COL18A1: variants seen among roughly 807,000 people sequenced by gnomAD.
COL18A1 encodes the protein collagen alpha-1(XVIII) chain.
COL18A1 carries 133 observed loss-of-function variants against 168.0 expected under a neutral mutation model. The ratio of observed to expected loss-of-function variants is 0.79; its 90% CI spans 0.69 to 0.91. The LOEUF (loss-of-function observed/expected upper bound fraction) is 0.91. Among genes scored for constraint, COL18A1 ranks in the 40% least tolerant of loss-of-function variants. COL18A1 has a pLI of 0.00. For missense variants in COL18A1, 2,126 were observed against 1,925.4 expected (o/e 1.10, Z -1.95); for synonymous variants, 949 against 809.0 (o/e 1.17, Z -2.94).
chr21:45,417,858 G>A (rs2033490678), intron 2 of COL18A1, among the ~76,000 whole-genome samples: 1 of 152,256 alleles, frequency 6.6e-6, no homozygotes. Flanking sequence ...TGCACCGTAG[G>A]GAAGAGAGAA....
intron 9 of COL18A1, among the ~76,000 whole-genome samples, 200 bp from the exon 10 acceptor site, chr21:45,479,702 C>G (rs1419946588): frequency 6.6e-6 from 1 of 152,132 alleles, no homozygotes; most frequent in African/African-American, 2.4e-5. Context: ...CCGCAGCTTC[C>G]CCCAGGCGTG....
chr21:45,475,548 A>T lies in COL18A1; in HGVS notation c.798+13A>T, dbSNP rs1476651229. 1.2e-6 allele frequency: 2 copies of T among 1,601,052 alleles called. No homozygotes were observed. The highest frequency in any genetic ancestry group is 1.7e-6 in the Non-Finnish European group (2 of 1,175,556). ...CAGGGAGGAGACGGTGAGTAGCCGGACGGGGCCCAGCCCACGCTGCAGGGT... is the reference window on the plus strand; with the variant it reads ...CAGGGAGGAGACGGTGAGTAGCCGGTCGGGGCCCAGCCCACGCTGCAGGGT... On this transcript the variant is annotated intron_variant, in intron 5 of 41. Coordinates refer to ENST00000651438, the MANE Select transcript of COL18A1 (RefSeq NM_001379500.1).
At chr21:45,506,568 G>C (rs1190806193) in intron 37 of COL18A1, 3 of 185,804 alleles carry the variant, frequency 1.6e-5, no homozygotes, top group Non-Finnish European at 3.5e-5. Context: ...GTGCGGCCAT[G>C]CTTGCAGGGC....
At chr21:45,446,855 A>G (rs537225561) in intron 2 of COL18A1, among the ~76,000 whole-genome samples, 1 of 152,388 alleles carries the variant, frequency 6.6e-6, no homozygotes, top group South Asian at 2.1e-4. Context: ...ACACTTGAAA[A>G]TCAATGTAAT....
At position 45,486,848 on chromosome 21, in the gene COL18A1, T is replaced by C. The variant is rs1262236331; in HGVS notation, c.1702-13T>C. 10 of 1,526,928 alleles carry C rather than the reference T, an allele frequency of 6.5e-6. No individual in the cohort carries two copies. Among genetic ancestry groups the C allele is most frequent in the Non-Finnish European group, 8.8e-6 (10 of 1,140,396 alleles). 94.6% of individuals were successfully genotyped at this position (1,526,928 alleles called of 1,614,324 possible). On this transcript the variant is annotated splice_polypyrimidine_tract_variant and intron_variant, in intron 15 of 41. Transcript: ENST00000651438. ...TGGGCTGGGTCCTGACACGCTCTCC[T>C]CACCCCACGCAGGGGAGCAAGGGAG...
In COL18A1 at chr21:45,474,126, A is replaced by G; in HGVS notation, c.738+145A>G. The G allele has an allele frequency of 4.6e-6, 3 of 645,632 alleles. No homozygotes were observed. In the South Asian group the frequency reaches 5.6e-5, roughly 12 times the overall value. 40.0% of individuals were successfully genotyped at this position (645,632 alleles called of 1,614,324 possible). On this transcript the variant is annotated intron_variant, in intron 4 of 41. Transcript: ENST00000651438. The stretch of plus-strand genomic sequence containing the variant: ...CGATACCATTTCTGTGCTCTCCTGT[A>G]GCACCTCAGAGCCCTTCCTTGCCCT...
At chr21:45,417,947 T>C (rs2033493370) in intron 2 of COL18A1, among the ~76,000 whole-genome samples, 1 of 152,238 alleles carries the variant, frequency 6.6e-6, no homozygotes, top group African/African-American at 2.4e-5. Flanking sequence ...CTCCGGCCTC[T>C]TCCATCTCCC....
chr21:45,467,963 G>C (rs2035274394), intron 2 of COL18A1, among the ~76,000 whole-genome samples: 2 of 152,212 alleles, frequency 1.3e-5, no homozygotes, highest in African/African-American at 4.8e-5. Context: ...GGGGCCTGTG[G>C]ACACCATGTC....
At chr21:45,512,119 C>T (rs2146149253) in intron 41 of COL18A1, 69 bp from the exon 42 acceptor site, 1 of 1,526,422 alleles carries the variant, frequency 6.6e-7, no homozygotes, top group Non-Finnish European at 8.9e-7. Context: ...ACCTTTCCTG[C>T]CCGGGGAGCG....
chr21:45,478,290 C>A, intron 8 of COL18A1, 37 bp from the exon 9 acceptor site: 1 of 1,613,994 alleles, frequency 6.2e-7, no homozygotes, highest in Non-Finnish European at 8.5e-7. Context: ...CCGGAGGAGT[C>A]ATTTCCCATC....
chr21:45,506,385 C>T (rs1195775739), intron 37 of COL18A1: 3 of 335,310 alleles, frequency 8.9e-6, no homozygotes, highest in African/African-American at 2.1e-5. Context: ...CTGCACCCCG[C>T]GTTATAAACA....
intron 2 of COL18A1, chr21:45,424,772 T>C (rs1398711081): frequency 6.6e-6 from 1 of 152,256 alleles, no homozygotes; most frequent in African/African-American, 2.4e-5. Flanking sequence ...CAGTCCTAGG[T>C]GTGCAGTGGC....
chr21:45,429,276 A>T (rs930034615), intron 2 of COL18A1, among the ~76,000 whole-genome samples: 1 of 152,054 alleles, frequency 6.6e-6, no homozygotes, highest in African/African-American at 2.4e-5. Context: ...CCTTTGGAAA[A>T]CATTTCAGCC....
At chr21:45,441,789 T>G (rs2034376751) in intron 2 of COL18A1, among the ~76,000 whole-genome samples, 1 of 152,238 alleles carries the variant, frequency 6.6e-6, no homozygotes, top group Non-Finnish European at 1.5e-5. Flanking sequence ...ATGCAACTAT[T>G]TCCAGCAGAA....
intron 2 of COL18A1, among the ~76,000 whole-genome samples, chr21:45,427,346 TGAA>T (rs2033834489): frequency 6.6e-6 from 1 of 152,150 alleles, no homozygotes; most frequent in African/African-American, 2.4e-5. Flanking sequence ...AGGCTGGCAT[TGAA>T]TCAGGAGGCC....
chr21:45,407,065 T>C (rs1602321028), intron 2 of COL18A1, among the ~76,000 whole-genome samples: 1 of 151,424 alleles, frequency 6.6e-6, no homozygotes, highest in Non-Finnish European at 1.5e-5. Flanking sequence ...CAGAGAGGGG[T>C]CTGCATGCTG....
chr21:45,453,976 G>A (rs897146422), intron 2 of COL18A1, among the ~76,000 whole-genome samples: 1 of 152,182 alleles, frequency 6.6e-6, no homozygotes, highest in Non-Finnish European at 1.5e-5. Flanking sequence ...CCTGAGATGC[G>A]CTGGTGGAGG....
At chr21:45,482,756 A>G in intron 14 of COL18A1, 39 bp from the exon 15 acceptor site, 1 of 1,614,170 alleles carries the variant, frequency 6.2e-7, no homozygotes, top group Non-Finnish European at 8.5e-7. Flanking sequence ...ACTGTGCTGC[A>G]AGTCTGATTT....
In COL18A1 at chr21:45,493,500, G is replaced by T; in HGVS notation, c.2278-1G>T. Reference sequence around the variant, plus strand: ...CTCTGCTGGACCTCCTGCCATTCCAGGGTGAGAAGGGTGAACCGGGCAGCA... The same window carrying T: ...CTCTGCTGGACCTCCTGCCATTCCATGGTGAGAAGGGTGAACCGGGCAGCA... On this transcript the variant is annotated splice_acceptor_variant, in intron 25 of 41. Transcript: ENST00000651438. LOFTEE classifies it high-confidence loss of function. 6.4e-7 allele frequency: 1 copy of T among 1,558,460 alleles called. No homozygotes were observed. The highest frequency in any genetic ancestry group is 8.7e-7 in the Non-Finnish European group (1 of 1,151,946).
Sources: gnomAD v4.1 joint callset for allele counts (sites outside exome capture counted in the v4.1 genomes callset) on GRCh38, gnomAD v4.1.1 for gene constraint, MANE v1.5 for transcripts, NCBI Gene and HGNC (gene_info 2026-07-23, HGNC 2026-07-21) for gene names.